Variants in RYR3 observed in about 807,000 individuals in gnomAD.
The protein encoded by RYR3 is ryanodine receptor 3, also known as brain ryanodine receptor-calcium release channel.
Under a neutral mutation model 584.3 loss-of-function variants are expected in RYR3, and 207 were observed. The observed-to-expected ratio is 0.35, with a 90% confidence interval of 0.32 to 0.40. RYR3 has a LOEUF of 0.40. Among genes scored for constraint, RYR3 ranks in the 10% least tolerant of loss-of-function variants. The pLI is 1.00. For synonymous variants in RYR3, 2,416 were observed against 2,248.5 expected (o/e 1.07, Z -2.11); for missense variants, 5,616 against 6,089.2 (o/e 0.92, Z 2.59).
At chr15:33,663,789 C>G in intron 36 of RYR3, 52 bp downstream of exon 36, 1 of 1,488,730 alleles carries the variant, frequency 6.7e-7, no homozygotes, top group South Asian at 1.2e-5. Flanking sequence ...AACTTGAGAC[C>G]TATGGAACAG....
intron 1 of RYR3, among the ~76,000 whole-genome samples, chr15:33,356,039 C>CG (rs948605018): frequency 2.0e-4 from 31 of 151,956 alleles, no homozygotes; most frequent in African/African-American, 7.3e-4. Flanking sequence ...AGATGGATGG[C>CG]GGGGGGTTCT....
At chr15:33,862,620 G>GT (rs1293116956) in intron 102 of RYR3, among the ~76,000 whole-genome samples, 4 of 152,030 alleles carry the variant, frequency 2.6e-5, no homozygotes, top group Non-Finnish European at 5.9e-5. Context: ...CATGAGTTTT[G>GT]TTTTTTTATT....
At chr15:33,617,141 G>A (rs894174333) in intron 19 of RYR3, among the ~76,000 whole-genome samples, 5 of 152,318 alleles carry the variant, frequency 3.3e-5, no homozygotes, top group Middle Eastern at 3.4e-3. Context: ...TTGGTCGGGC[G>A]TGGTGGCTCA....
chr15:33,414,431 A>G (rs1404301624), intron 1 of RYR3, among the ~76,000 whole-genome samples: 2 of 151,674 alleles, frequency 1.3e-5, no homozygotes, highest in Non-Finnish European at 2.9e-5. Context: ...GGAGGTCTCC[A>G]TGGTTATCTT....
chr15:33,836,785 C>G (rs1320023786), intron 87 of RYR3, 121 bp from the exon 88 acceptor site: 2 of 656,910 alleles, frequency 3.0e-6, no homozygotes, highest in East Asian at 2.8e-5. Context: ...GAGAAGGAAG[C>G]TCTTTCCCGA....
At chr15:33,773,467 TC>T in intron 63 of RYR3, 66 bp from the exon 64 acceptor site, 2 of 1,139,920 alleles carry the variant, frequency 1.8e-6, no homozygotes, top group Admixed American at 2.0e-5. Context: ...ATTTTTTTTT[TC>T]CTCTTCATGG....
At chr15:33,864,260 G>A (rs1345820943) in intron 103 of RYR3, 71 bp downstream of exon 103, 40 of 1,226,334 alleles carry the variant, frequency 3.3e-5, no homozygotes, top group Non-Finnish European at 4.4e-5. Flanking sequence ...GTAGGGCATA[G>A]GTTATCTGAA....
Position 33,426,710 on chromosome 15 carries a change from T to C in RYR3, c.52-46709T>C, listed in dbSNP as rs191733849. 3.3e-5 allele frequency among the ~76,000 whole-genome samples: 5 copies of C among 152,340 alleles called. No individual in the cohort carries two copies. In the East Asian group the frequency reaches 5.8e-4, roughly 18 times the overall value. On this transcript the variant is annotated intron_variant, in intron 1 of 103. Transcript: ENST00000634891. ...AGAACCAGGATTGGAATCTTAGTCT[T>C]ATTTACTGGCATCTTAGTTAATTCT...
chr15:33,666,212 G>C (rs1342380497), intron 36 of RYR3, among the ~76,000 whole-genome samples: 1 of 151,976 alleles, frequency 6.6e-6, no homozygotes, highest in Non-Finnish European at 1.5e-5. Flanking sequence ...CCCCATATTG[G>C]GCAGGCTGGT....
intron 1 of RYR3, among the ~76,000 whole-genome samples, chr15:33,431,585 A>G (rs540297941): frequency 9.9e-5 from 15 of 152,194 alleles, no homozygotes; most frequent in African/African-American, 3.6e-4. Flanking sequence ...CAACATGGCA[A>G]GATTCCCTCT....
chr15:33,570,444 C>T (rs117491693), intron 12 of RYR3, among the ~76,000 whole-genome samples: 2,763 of 152,210 alleles, frequency 0.018, 43 homozygotes, highest in Non-Finnish European at 0.029. Context: ...ATCTATATGC[C>T]TGTCATTATT....
chr15:33,623,323 C>T (rs996916918), intron 19 of RYR3, among the ~76,000 whole-genome samples: 2 of 152,194 alleles, frequency 1.3e-5, no homozygotes, highest in Non-Finnish European at 2.9e-5. Flanking sequence ...TTAGTCTTTT[C>T]CCCTGAATAT....
intron 87 of RYR3, among the ~76,000 whole-genome samples, chr15:33,836,317 G>T (rs1021279923): frequency 6.6e-6 from 1 of 151,890 alleles, no homozygotes; most frequent in Non-Finnish European, 1.5e-5. Flanking sequence ...TATAAGGCAC[G>T]GAGGTAGCTT....
intron 61 of RYR3, 120 bp from the exon 62 acceptor site, chr15:33,768,992 G>T: frequency 1.2e-6 from 1 of 804,836 alleles, no homozygotes; most frequent in South Asian, 1.4e-5. Flanking sequence ...CACAGGCCCA[G>T]GACTTTATGT....
chr15:33,350,000 G>A (rs1973031489), intron 1 of RYR3, among the ~76,000 whole-genome samples: 1 of 151,596 alleles, frequency 6.6e-6, no homozygotes, highest in Non-Finnish European at 1.5e-5. Context: ...ATCATTGTTG[G>A]ACATTTGGGT....
intron 86 of RYR3, among the ~76,000 whole-genome samples, chr15:33,834,036 C>CT (rs951599935): frequency 6.6e-6 from 1 of 152,152 alleles, no homozygotes; most frequent in African/African-American, 2.4e-5. Context: ...ACTCCCAGCA[C>CT]TTTGAGAGGC....
At chr15:33,556,039 G>GA (rs34840889) in intron 10 of RYR3, among the ~76,000 whole-genome samples, 126,318 of 152,054 alleles carry the variant, frequency 0.83, 52,974 homozygotes, top group Middle Eastern at 0.94. Context: ...GAGACACGTG[G>GA]AAATAGTGGG....
In RYR3 at chr15:33,731,579, C is replaced by T. The variant is rs1202296934; in HGVS notation, c.7309C>T (p.His2437Tyr). The T allele has an allele frequency of 4.3e-6, 7 of 1,613,638 alleles. No homozygotes were observed. Among genetic ancestry groups the T allele is most frequent in the Non-Finnish European group, 5.1e-6 (6 of 1,179,664 alleles). Residue 2437 changes from histidine to tyrosine, a missense_variant, in exon 48 of 104, where the codon CAC becomes TAC. By Grantham distance (83) the His-to-Tyr change is moderately conservative (BLOSUM62 2). Around this residue, in one of 9 missense-constraint regions of RYR3, gnomAD observed 1,280 missense variants for 1,426.2 expected, o/e 0.90. Coordinates refer to ENST00000634891, the MANE Select transcript of RYR3 (RefSeq NM_001036.6). ...TGCCCCTCTCTTTGCCGGAACAGAA[C>T]ACTGCACCTCTCTGATTGATTCCAC... Reference protein sequence around the residue: ...RCAPLFAGTEHCTSLIDSTLQ... With the variant: ...RCAPLFAGTEYCTSLIDSTLQ...
intron 3 of RYR3, among the ~76,000 whole-genome samples, chr15:33,506,760 T>C (rs1196719742): frequency 4.6e-5 from 7 of 152,228 alleles, no homozygotes; most frequent in Non-Finnish European, 1.0e-4. Flanking sequence ...GTATGAAAAA[T>C]GCAAGTTTTA....
Sources: allele counts gnomAD v4.1 joint callset (sites outside exome capture counted in the v4.1 genomes callset), GRCh38; gene constraint gnomAD v4.1.1; regional missense constraint gnomAD v4.1.1; transcripts MANE v1.5; gene names NCBI Gene and HGNC (gene_info 2026-07-23, HGNC 2026-07-21).